ABI2: variants seen among roughly 807,000 people sequenced by gnomAD.
The protein encoded by ABI2 is abl interactor 2.
Under a neutral mutation model 59.2 loss-of-function variants are expected in ABI2, and 25 were observed. The observed-to-expected ratio is 0.42, with a 90% CI of 0.31 to 0.59. The LOEUF is 0.59. Among genes scored for constraint, ABI2 ranks in the 20% least tolerant of loss-of-function variants. The probability of loss-of-function intolerance (pLI) is 0.14; values close to 1 mark genes in which losing one functional copy is unlikely to be tolerated. For synonymous variants in ABI2, 213 were observed against 235.5 expected (o/e 0.90, Z 0.87); for missense variants, 545 against 681.8 (o/e 0.80, Z 2.23).
At chr2:203,386,368 T>A (rs570049097) in intron 4 of ABI2, among the ~76,000 whole-genome samples, 13 of 150,674 alleles carry the variant, frequency 8.6e-5, no homozygotes, top group Non-Finnish European at 1.6e-4. Context: ...ACTGTATCCT[T>A]GGGCTCAAAT....
chr2:203,372,858 CCA>C (rs2095375888), intron 2 of ABI2, among the ~76,000 whole-genome samples: 1 of 151,860 alleles, frequency 6.6e-6, no homozygotes, highest in Admixed American at 6.6e-5. Flanking sequence ...CCCTCATATC[CCA>C]GACGGGGCGG....
At position 203,428,830 on chromosome 2, in the gene ABI2, C is replaced by T. The variant is rs1005035261; in HGVS notation, c.*1478C>T. ...TTCTACTCAGTCCCAGTGACTTGGC[C>T]AGAATAGAGCTTTGCCAGGTAACTG... is the stretch of plus-strand genomic sequence containing the variant. On this transcript the variant is annotated 3_prime_UTR_variant, in exon 12 of 12. Transcript: ENST00000261018. 6.6e-6 allele frequency: 1 copy of T among 152,168 alleles called. No individual in the cohort carries two copies. The highest frequency in any genetic ancestry group is 1.5e-5 in the Non-Finnish European group (1 of 68,042). The allele number at this position is 152,168 out of a possible 1,614,324, so 9.4% of individuals were successfully genotyped here.
At chr2:203,403,414 T>G (rs952002285) in intron 9 of ABI2, 1 of 154,822 alleles carries the variant, frequency 6.5e-6, no homozygotes, top group Non-Finnish European at 1.5e-5. Flanking sequence ...CCAGTAAGCC[T>G]ATGTGTGAAC....
In ABI2 at chr2:203,380,312, T is replaced by G. The variant is rs1398895278; in HGVS notation, c.390T>G (p.Leu130=). Residue 130 remains leucine (L), a synonymous_variant, in exon 3 of 12, where the codon CTT becomes CTG. Coordinates refer to ENST00000261018, the MANE Select transcript of ABI2 (RefSeq NM_001375670.1). ...ATAAGATTATTGCTCCAGCCAACCT[T>G]GAACGACCAGTTCGTTATATTAGAA... ...RTHKIIAPAN[L]ERPVRYIRKP... is the part of the protein sequence containing the mutation. The G allele has an allele frequency of 1.2e-6, 2 of 1,608,866 alleles. No homozygotes were observed. The highest frequency in any genetic ancestry group is 1.7e-6 in the Non-Finnish European group (2 of 1,178,148).
chr2:203,394,655 C>T (rs540048892), intron 5 of ABI2, 45 bp from the exon 6 acceptor site: 15 of 1,570,674 alleles, frequency 9.6e-6, no homozygotes, highest in South Asian at 2.3e-5. Flanking sequence ...TTTATTGTGC[C>T]GAAACTTGCT....
At chr2:203,378,317 T>C (rs997322228) in intron 2 of ABI2, among the ~76,000 whole-genome samples, 9 of 152,140 alleles carry the variant, frequency 5.9e-5, no homozygotes, top group African/African-American at 1.9e-4. Flanking sequence ...TTCACCGTGT[T>C]AGCCAGGATG....
At chr2:203,416,828 C>T (rs2097912760) in intron 10 of ABI2, 80 bp from the exon 11 acceptor site, 1 of 1,384,854 alleles carries the variant, frequency 7.2e-7, no homozygotes, top group Non-Finnish European at 9.7e-7. Flanking sequence ...GGTTTATATT[C>T]CATGAACCCA....
At position 203,429,753 on chromosome 2, in the gene ABI2, CAAA is replaced by C. The variant is rs71408936; in HGVS notation, c.*2416_*2418del. ...GCCTGGTGACAGAGCGAGACTCCAT[CAAA>C]AAAAAAAAAAAAAAGTTCCCACAGC... On this transcript the variant is annotated 3_prime_UTR_variant, in exon 12 of 12. Coordinates refer to ENST00000261018, the MANE Select transcript of ABI2 (RefSeq NM_001375670.1). The C allele has an allele frequency of 6.9e-5, 9 of 130,346 alleles. No individual in the cohort carries two copies. Among genetic ancestry groups the C allele is most frequent in the Admixed American group, 2.3e-4 (3 of 12,834 alleles). The allele number at this position is 130,346 out of a possible 1,614,324, so 8.1% of individuals were successfully genotyped here. A position where few individuals can be genotyped will look rare whatever the true frequency, so the allele number is the denominator to read the frequency against.
chr2:203,394,057 C>G, intron 5 of ABI2, among the ~76,000 whole-genome samples: 1 of 152,116 alleles, frequency 6.6e-6, no homozygotes, highest in East Asian at 1.9e-4. Flanking sequence ...TCCCTTCCCC[C>G]CACCTTTGTA....
chr2:203,380,481 G>T, intron 3 of ABI2, 97 bp downstream of exon 3: 1 of 756,250 alleles, frequency 1.3e-6, no homozygotes, highest in Non-Finnish European at 2.0e-6. Context: ...CTTTCCTAGA[G>T]GACAAAGTCT....
At chr2:203,395,446 T>TAC (rs774200941) in intron 6 of ABI2, among the ~76,000 whole-genome samples, 3,115 of 85,144 alleles carry the variant, frequency 0.037, 32 homozygotes, top group Non-Finnish European at 0.048. Context: ...TATATATATA[T>TAC]ATACACACAC....
chr2:203,415,670 GA>G (rs1207659703), intron 10 of ABI2, among the ~76,000 whole-genome samples: 9 of 141,628 alleles, frequency 6.4e-5, no homozygotes, highest in African/African-American at 2.3e-4. Context: ...CGTAGGCTTA[GA>G]TTAAAAAATA....
intron 5 of ABI2, among the ~76,000 whole-genome samples, chr2:203,392,325 A>T (rs1304041087): frequency 2.0e-5 from 2 of 101,618 alleles, no homozygotes; most frequent in Non-Finnish European, 4.4e-5. Flanking sequence ...CAACAACAAC[A>T]ACAACAACAA....
chr2:203,339,320 C>T (rs531293895), intron 1 of ABI2, among the ~76,000 whole-genome samples: 2 of 151,882 alleles, frequency 1.3e-5, no homozygotes, highest in South Asian at 2.1e-4. Context: ...TGGCTCATGC[C>T]TGTAATCCCA....
In ABI2 at chr2:203,338,453, G is replaced by C. The variant is rs181552114; in HGVS notation, c.117+9822G>C. ...TAGCACCATCCCTTTAGTGATAAGT[G>C]AGTTCTTGCTTGGTTCACGTGAGAA... is the stretch of plus-strand genomic sequence containing the variant. On this transcript the variant is annotated intron_variant, in intron 1 of 11. Transcript: ENST00000261018. Among the ~76,000 whole-genome samples the C allele has an allele frequency of 1.6e-3, 246 of 152,018 alleles. 2 individuals are homozygous for C. Among genetic ancestry groups the C allele is most frequent in the Admixed American group, 0.014 (209 of 15,246 alleles).
intron 11 of ABI2, among the ~76,000 whole-genome samples, chr2:203,426,878 C>CT (rs2098439074): frequency 6.6e-6 from 1 of 151,122 alleles, no homozygotes; most frequent in Non-Finnish European, 1.5e-5. Flanking sequence ...TTGTGTACCT[C>CT]TTCAATGAGG....
At chr2:203,364,320 CT>C (rs1485788781) in intron 1 of ABI2, among the ~76,000 whole-genome samples, 1 of 148,362 alleles carries the variant, frequency 6.7e-6, no homozygotes, top group Non-Finnish European at 1.5e-5. Context: ...TCTTGAATTC[CT>C]GACCTCAAAT....
intron 1 of ABI2, among the ~76,000 whole-genome samples, chr2:203,336,890 G>A (rs2076704020): frequency 6.6e-6 from 1 of 152,138 alleles, no homozygotes; most frequent in South Asian, 2.1e-4. Context: ...CAAAAACGAT[G>A]GTACCGTTTT....
intron 1 of ABI2, chr2:203,355,091 CT>C: frequency 3.3e-6 from 1 of 298,626 alleles, no homozygotes; most frequent in African/African-American, 2.2e-5. Context: ...TGCTGTCAAC[CT>C]TGGATTTCCC....
Sources: allele counts gnomAD v4.1 joint callset (sites outside exome capture counted in the v4.1 genomes callset), GRCh38; gene constraint gnomAD v4.1.1; transcripts MANE v1.5; gene names NCBI Gene and HGNC (gene_info 2026-07-23, HGNC 2026-07-21).